Variants in CMIP observed in about 807,000 individuals in gnomAD.
The protein encoded by CMIP is C-Maf-inducing protein.
In CMIP, 13 loss-of-function variants were observed where a neutral mutation model predicts 97.3. That is an observed-to-expected ratio of 0.13 (90% CI 0.09 to 0.21). The LOEUF (loss-of-function observed/expected upper bound fraction) is 0.21. Ranked by LOEUF, CMIP falls within the 10% of genes least tolerant of loss-of-function variation. The pLI is 1.00. For missense variants in CMIP, 847 were observed against 1,024.9 expected, an observed-to-expected ratio of 0.83 and a Z score of 2.37; for synonymous variants, 538 against 436.3, an observed-to-expected ratio of 1.23 and a Z score of -2.91.
At chr16:81,708,351 C>G (rs539635746) in intron 20 of CMIP, among the ~76,000 whole-genome samples, 1 of 152,354 alleles carries the variant, frequency 6.6e-6, no homozygotes, top group East Asian at 1.9e-4. Context: ...CCCCAGGTAA[C>G]CCCACCCTGG....
intron 1 of CMIP, among the ~76,000 whole-genome samples, chr16:81,586,832 C>G (rs2091391373): frequency 6.6e-6 from 1 of 152,168 alleles, no homozygotes; most frequent in African/African-American, 2.4e-5. Context: ...GACTATGTCA[C>G]ACAGATGTTA....
At chr16:81,622,683 G>T (rs1354534076) in intron 3 of CMIP, among the ~76,000 whole-genome samples, 1 of 152,200 alleles carries the variant, frequency 6.6e-6, no homozygotes, top group Non-Finnish European at 1.5e-5. Context: ...GCCAAGATGA[G>T]TATCAATGAA....
intron 1 of CMIP, among the ~76,000 whole-genome samples, chr16:81,500,044 T>C (rs2089567907): frequency 6.6e-6 from 1 of 152,152 alleles, no homozygotes; most frequent in African/African-American, 2.4e-5. Flanking sequence ...ATACCCAGTC[T>C]CCCTGGGGCA....
At chr16:81,578,606 C>A (rs1036935571) in intron 1 of CMIP, among the ~76,000 whole-genome samples, 2 of 152,202 alleles carry the variant, frequency 1.3e-5, no homozygotes, top group Non-Finnish European at 2.9e-5. Context: ...CCCTTCAGTC[C>A]ATAAAGTATG....
rs186406368 is a variant in CMIP at position 81,495,306 on chromosome 16, G to A, written c.300+49765G>A. Reference sequence around the variant, plus strand: ...GATGAACCCTCTGGGGCGGGGCCCTGGGCAGGCTGGTTCAGTGATAAGCAG... The same window carrying A: ...GATGAACCCTCTGGGGCGGGGCCCTAGGCAGGCTGGTTCAGTGATAAGCAG... On this transcript the variant is annotated intron_variant, in intron 1 of 20. Transcript: ENST00000537098. 1,277 of 1,441,958 alleles carry A rather than the reference G, an allele frequency of 8.9e-4. 1 individual carries two copies. The highest frequency in any genetic ancestry group is 5.4e-3 in the Middle Eastern group (21 of 3,858). 89.3% of individuals were successfully genotyped at this position (1,441,958 alleles called of 1,614,324 possible). A position where few individuals can be genotyped will look rare whatever the true frequency, so the allele number is the denominator to read the frequency against.
At position 81,614,444 on chromosome 16, in the gene CMIP, G is replaced by A. The variant is rs140745127; in HGVS notation, c.427-6432G>A. On this transcript the variant is annotated intron_variant, in intron 2 of 20. Transcript: ENST00000537098. This position sits in a 1 kb window ranked among gnomAD's most constrained non-coding sequence, Gnocchi z 5.3. ...TGACATCAGCTCGTTGCATTGGCCT[G>A]TGTGCTTGCCAGGAGCCCGGAGGGA... 3.9e-5 allele frequency among the ~76,000 whole-genome samples: 6 copies of A among 152,218 alleles called. No homozygotes were observed. The highest frequency in any genetic ancestry group is 1.4e-4 in the African/African-American group (6 of 41,442).
intron 1 of CMIP, among the ~76,000 whole-genome samples, chr16:81,502,110 C>T (rs977972127): frequency 3.3e-5 from 5 of 152,168 alleles, no homozygotes; most frequent in East Asian, 1.9e-4. Context: ...TGCCTAGCTC[C>T]GATGAGGAAA....
chr16:81,701,891 G>A (rs1371785081), intron 16 of CMIP, 91 bp downstream of exon 16: 12 of 1,497,524 alleles, frequency 8.0e-6, no homozygotes, highest in Non-Finnish European at 1.1e-5. Flanking sequence ...TTGGACCTGA[G>A]TGGACCTCAA....
rs1047480684 is a variant in CMIP, at chr16:81,693,463, G to T, written c.1506G>T (p.Arg502Ser). The change falls in exon 13 of 21, where the codon AGG becomes AGT. Residue 502 changes from arginine to serine, a missense_variant. By Grantham distance (110) the Arg-to-Ser change is moderately radical. Coordinates refer to ENST00000537098, the MANE Select transcript of CMIP (RefSeq NM_198390.3). Reference sequence around the variant, plus strand: ...GGGAACTGAAGTACGTGATTCAGAGGTTCGCCGAAGACCCCAGGCAAGAGG... The same window carrying T: ...GGGAACTGAAGTACGTGATTCAGAGTTTCGCCGAAGACCCCAGGCAAGAGG... ...FTKELKYVIQ[R>S]FAEDPRQEVH... is the part of the protein sequence containing the mutation. The T allele has an allele frequency of 2.5e-6, 4 of 1,612,500 alleles. No individual in the cohort carries two copies. Among genetic ancestry groups the T allele is most frequent in the Admixed American group, 3.3e-5 (2 of 59,862 alleles).
At chr16:81,552,600 T>C (rs2090680716) in intron 1 of CMIP, among the ~76,000 whole-genome samples, 1 of 152,218 alleles carries the variant, frequency 6.6e-6, no homozygotes, top group South Asian at 2.1e-4. Context: ...ACCCTTTGCC[T>C]TCCTCTTTCA....
intron 3 of CMIP, among the ~76,000 whole-genome samples, chr16:81,646,783 C>T (rs2150997630): frequency 6.6e-6 from 1 of 152,352 alleles, no homozygotes; most frequent in East Asian, 1.9e-4. Flanking sequence ...TGAGTTGCAT[C>T]CGTCTTGTAG....
At chr16:81,694,152 C>G (rs1906428945) in intron 13 of CMIP, among the ~76,000 whole-genome samples, 1 of 151,524 alleles carries the variant, frequency 6.6e-6, no homozygotes, top group South Asian at 2.1e-4. Context: ...CTATAGTATT[C>G]CCAGTGTTGC....
chr16:81,467,056 G>T (rs956807336), intron 1 of CMIP, among the ~76,000 whole-genome samples: 1 of 152,340 alleles, frequency 6.6e-6, no homozygotes, highest in South Asian at 2.1e-4. Flanking sequence ...TCCTCGCTGG[G>T]CAGGAACAAG....
chr16:81,523,829 T>G (rs991685351), intron 1 of CMIP, among the ~76,000 whole-genome samples: 3 of 152,200 alleles, frequency 2.0e-5, no homozygotes, highest in African/African-American at 7.2e-5. Flanking sequence ...CACAGCTTCC[T>G]TTAGCTAGGA....
rs141510608 is a variant in CMIP, at chr16:81,686,686, G to A, written c.1389-5089G>A. Among the ~76,000 whole-genome samples the A allele has an allele frequency of 4.0e-3, 606 of 152,270 alleles. 1 individual carries two copies. Among genetic ancestry groups the A allele is most frequent in the African/African-American group, 0.014 (568 of 41,538 alleles). ...GGGTTCTGAAGGCTGCCACTCTATC[G>A]TGGGCTTATTTGGAGGAAGGTGGGG... On this transcript the variant is annotated intron_variant, in intron 10 of 20. Coordinates refer to ENST00000537098, the MANE Select transcript of CMIP (RefSeq NM_198390.3).
At chr16:81,507,145 A>G (rs1004163476) in intron 1 of CMIP, among the ~76,000 whole-genome samples, 11 of 151,830 alleles carry the variant, frequency 7.2e-5, no homozygotes, top group African/African-American at 1.2e-4. Context: ...AGTCCCAGCT[A>G]CTCAGGAGGC....
chr16:81,693,572 G>C, intron 13 of CMIP, 85 bp downstream of exon 13: 1 of 1,419,984 alleles, frequency 7.0e-7, no homozygotes, highest in Non-Finnish European at 9.6e-7. Context: ...TCTGAAGCTT[G>C]TCACCAACAG....
At chr16:81,503,665 G>C (rs1370322328) in intron 1 of CMIP, among the ~76,000 whole-genome samples, 3 of 152,238 alleles carry the variant, frequency 2.0e-5, no homozygotes, top group Non-Finnish European at 4.4e-5. Flanking sequence ...CCAAGGTGCT[G>C]GGATTATAGG....
intron 1 of CMIP, among the ~76,000 whole-genome samples, chr16:81,449,197 C>T (rs1906053430): frequency 6.6e-6 from 1 of 152,208 alleles, no homozygotes; most frequent in Non-Finnish European, 1.5e-5. Flanking sequence ...ATGGTGGATC[C>T]ACTCAGAAAG....
Sources: gnomAD v4.1 joint callset for allele counts (sites outside exome capture counted in the v4.1 genomes callset) on GRCh38, gnomAD v4.1.1 for gene constraint, Gnocchi (gnomAD v3.1) non-coding constraint, MANE v1.5 for transcripts, NCBI Gene and HGNC (gene_info 2026-07-23, HGNC 2026-07-21) for gene names.